The following CFAP44 variants were observed in gnomAD, a reference collection of about 807,000 sequenced individuals.
The protein encoded by CFAP44 is cilia and flagella associated protein 44.
In CFAP44, 134 loss-of-function variants were observed where a neutral mutation model predicts 216.2. That is an observed-to-expected ratio of 0.62 (90% CI 0.54 to 0.72). The LOEUF (loss-of-function observed/expected upper bound fraction) is 0.72. Ranked by LOEUF, CFAP44 falls within the 30% of genes least tolerant of loss-of-function variation. CFAP44 has a pLI of 0.00. For missense variants in CFAP44, 2,035 were observed against 2,182.1 expected (o/e 0.93, Z 1.34); for synonymous variants, 700 against 727.6 (o/e 0.96, Z 0.61).
intron 29 of CFAP44, among the ~76,000 whole-genome samples, chr3:113,306,911 T>C (rs551722049): frequency 6.6e-6 from 1 of 152,362 alleles, no homozygotes; most frequent in Non-Finnish European, 1.5e-5. Context: ...TTGTGTGCTC[T>C]ATTTCACTCA....
chr3:113,437,632 C>T (rs1012072470), intron 1 of CFAP44, among the ~76,000 whole-genome samples: 1 of 152,106 alleles, frequency 6.6e-6, no homozygotes, highest in Non-Finnish European at 1.5e-5. Context: ...TGTAGCAATA[C>T]CGGACAATAA....
At position 113,330,440 on chromosome 3, in the gene CFAP44, G is replaced by C. The variant is rs376106162; in HGVS notation, c.3844C>G (p.Gln1282Glu). ...TTTTCATCTTTACTTTTCATTTGCT[G>C]TTGCTTAAAATTTAGGAGAGTTTCT... is the stretch of plus-strand genomic sequence containing the variant. ...DEETLLNFKQQQMKSKDEKSP... is the reference protein window; with the variant it reads ...DEETLLNFKQEQMKSKDEKSP... The change falls in exon 26 of 35, where the codon CAG becomes GAG. Residue 1282 changes from glutamine to glutamate, a missense_variant. Physicochemically the swap from Gln to Glu is conservative, Grantham distance 29 (BLOSUM62 2). Around this residue, in one of 3 missense-constraint regions of CFAP44, gnomAD observed 1,883 missense variants for 2,023.7 expected, o/e 0.93. Transcript: ENST00000393845. The C allele has an allele frequency of 9.8e-6, 15 of 1,537,074 alleles. No individual in the cohort carries two copies. The highest frequency in any genetic ancestry group is 1.7e-4 in the Middle Eastern group (1 of 6,014).
intron 25 of CFAP44, among the ~76,000 whole-genome samples, chr3:113,332,502 C>A (rs1341483896): frequency 6.6e-6 from 1 of 152,150 alleles, no homozygotes; most frequent in Non-Finnish European, 1.5e-5. Context: ...GTGATTGGCA[C>A]CCTCTCCAAA....
rs1184712930 is a variant in CFAP44 at position 113,401,619 on chromosome 3, T to C, written c.1291A>G (p.Met431Val). The C allele has an allele frequency of 6.2e-7, 1 of 1,613,360 alleles. No individual in the cohort carries two copies. Among genetic ancestry groups the C allele is most frequent in the Non-Finnish European group, 8.5e-7 (1 of 1,179,700 alleles). Residue 431 changes from methionine to valine, a missense_variant, in exon 10 of 35, where the codon ATG becomes GTG. Met to Val is a conservative substitution (Grantham distance 21). Transcript: ENST00000393845. ...KNVNLFSMIK[M>V]NETGNNFWLA... is the part of the protein sequence containing the mutation. ...CAAAAGTTATTTCCAGTTTCATTCA[T>C]TTTTATCATAGAGAAGAGATTCACA...
intron 4 of CFAP44, among the ~76,000 whole-genome samples, chr3:113,425,050 A>C (rs1293124657): frequency 6.6e-6 from 1 of 152,202 alleles, no homozygotes; most frequent in Non-Finnish European, 1.5e-5. Flanking sequence ...CCATTTGGGA[A>C]AAAAAGGCTA....
At chr3:113,404,107 G>A in intron 8 of CFAP44, 91 bp from the exon 9 acceptor site, 6 of 1,345,516 alleles carry the variant, frequency 4.5e-6, no homozygotes, top group South Asian at 4.2e-5. Context: ...TATTTTTTAA[G>A]GTTATCTTTA....
At chr3:113,427,867 T>C (rs76702565) in intron 2 of CFAP44, among the ~76,000 whole-genome samples, 4,642 of 152,108 alleles carry the variant, frequency 0.031, 116 homozygotes, top group East Asian at 0.1. Context: ...GGTTAAAATA[T>C]ACAATGCCAA....
At chr3:113,438,258 CT>C (rs1466894617) in intron 1 of CFAP44, among the ~76,000 whole-genome samples, 3 of 152,168 alleles carry the variant, frequency 2.0e-5, no homozygotes, top group African/African-American at 7.2e-5. Context: ...TGAAAGAGGA[CT>C]TTAGTTTAAC....
Position 113,405,039 on chromosome 3 carries a change from T to A in CFAP44, c.1006-1023A>T, listed in dbSNP as rs925819952. Among the ~76,000 whole-genome samples the A allele has an allele frequency of 4.6e-5, 7 of 152,226 alleles. 1 individual carries two copies. The highest frequency in any genetic ancestry group is 3.9e-4 in the Admixed American group (6 of 15,282). On this transcript the variant is annotated intron_variant, in intron 8 of 34. Transcript: ENST00000393845. ...CAAAGGAATTTGACTTAAAAAGTCT[T>A]ATTTTTATGGAGCTTCTGTACAGAC...
chr3:113,379,283 A>T, intron 17 of CFAP44, 23 bp downstream of exon 17: 1 of 1,485,332 alleles, frequency 6.7e-7, no homozygotes, highest in Non-Finnish European at 9.0e-7. Context: ...GATTGAGGTA[A>T]AAATTATTAC....
At position 113,358,747 on chromosome 3, in the gene CFAP44, A is replaced by T. The variant is rs1950513347; in HGVS notation, c.3063T>A (p.Asn1021Lys). 7 of 1,536,428 alleles carry T rather than the reference A, an allele frequency of 4.6e-6. 1 individual carries two copies. The highest frequency in any genetic ancestry group is 3.3e-4 in the Middle Eastern group (2 of 5,984). Residue 1021 changes from asparagine to lysine, a missense_variant and splice_region_variant, in exon 22 of 35, where the codon AAT becomes AAA. Physicochemically the swap from Asn to Lys is moderately conservative, Grantham distance 94 (BLOSUM62 0). Transcript: ENST00000393845. ...CTTGTAGAGAATATGGATCCTACCG[A>T]TTCTTTAGCTTCATTAGGCCGAGTT... Reference protein sequence around the residue: ...KHELGLMKLKNRFRDPLESDT... With the variant: ...KHELGLMKLKKRFRDPLESDT...
At chr3:113,375,463 A>G (rs999501744) in intron 17 of CFAP44, among the ~76,000 whole-genome samples, 1 of 152,184 alleles carries the variant, frequency 6.6e-6, no homozygotes, top group African/African-American at 2.4e-5. Context: ...AGGATGGAAA[A>G]TCTTCTTGAA....
At chr3:113,440,488 A>G (rs1474819678) in intron 1 of CFAP44, among the ~76,000 whole-genome samples, 3 of 152,168 alleles carry the variant, frequency 2.0e-5, no homozygotes, top group Non-Finnish European at 1.5e-5. Context: ...ATGATTTCCA[A>G]GTCCTGTTAC....
intron 26 of CFAP44, 41 bp downstream of exon 26, chr3:113,330,127 T>A (rs1447578158): frequency 6.9e-7 from 1 of 1,457,916 alleles, no homozygotes; most frequent in South Asian, 1.5e-5. Flanking sequence ...TCCCTTCTCT[T>A]CTCTCTTTCA....
At chr3:113,291,877 C>G in intron 34 of CFAP44, 129 bp from the exon 35 acceptor site, 3 of 1,024,414 alleles carry the variant, frequency 2.9e-6, no homozygotes, top group Non-Finnish European at 4.1e-6. Flanking sequence ...TCCTTAATCT[C>G]GGGAGCCTTC....
At chr3:113,297,664 CAACT>C (rs530296618) in intron 32 of CFAP44, among the ~76,000 whole-genome samples, 49 of 152,254 alleles carry the variant, frequency 3.2e-4, no homozygotes, top group Admixed American at 1.2e-3. Flanking sequence ...TTCTTCTTAG[CAACT>C]AACTAACATG....
chr3:113,345,753 T>TCA (rs1329860322), intron 22 of CFAP44, among the ~76,000 whole-genome samples: 3 of 152,092 alleles, frequency 2.0e-5, no homozygotes, highest in African/African-American at 7.3e-5. Flanking sequence ...TTCATAATTA[T>TCA]CACACACACA....
intron 28 of CFAP44, among the ~76,000 whole-genome samples, chr3:113,311,924 C>T (rs895447031): frequency 6.6e-6 from 1 of 152,086 alleles, no homozygotes; most frequent in Non-Finnish European, 1.5e-5. Context: ...GGGCATTTTG[C>T]CCCTGCCCTA....
intron 21 of CFAP44, among the ~76,000 whole-genome samples, chr3:113,362,621 C>T (rs1397534868): frequency 6.6e-6 from 1 of 152,204 alleles, no homozygotes; most frequent in East Asian, 1.9e-4. Flanking sequence ...AGTTAACGCT[C>T]ATCACATATG....
Sources: allele counts gnomAD v4.1 joint callset (sites outside exome capture counted in the v4.1 genomes callset), GRCh38; gene constraint gnomAD v4.1.1; regional missense constraint gnomAD v4.1.1; transcripts MANE v1.5; gene names NCBI Gene and HGNC (gene_info 2026-07-23, HGNC 2026-07-21).